The following PRAMEF4 variants were observed in gnomAD, a reference collection of about 807,000 sequenced individuals.
PRAMEF4 encodes the protein RP5-845O24.6.
PRAMEF4 carries 18 observed loss-of-function variants against 34.4 expected under a neutral mutation model. The observed-to-expected ratio is 0.52, with a 90% CI of 0.36 to 0.78. PRAMEF4 has a LOEUF of 0.78. Ranked by LOEUF, PRAMEF4 falls within the 30% of genes least tolerant of loss-of-function variation. The pLI, the probability that PRAMEF4 is intolerant of heterozygous loss-of-function variation, is 0.00. For synonymous variants in PRAMEF4, 156 were observed against 219.3 expected, an observed-to-expected ratio of 0.71 and a Z score of 2.55; for missense variants, 482 against 569.1, an observed-to-expected ratio of 0.85 and a Z score of 1.56.
chr1:12,882,295 C>G lies in PRAMEF4; in HGVS notation c.434G>C (p.Gly145Ala). ...TACGAACACAGTCAAGGGCTGCCGT[C>G]CTTTCATCCTTGGACAGTCCTCCAC... ...KPVEDCPRMK[G>A]RQPLTVFVEL... Residue 145 changes from glycine (G) to alanine (A), a missense_variant, in exon 3 of 4, where the codon GGA (glycine) becomes GCA (alanine). Physicochemically the swap from Gly to Ala is moderately conservative, Grantham distance 60 (BLOSUM62 0). Coordinates refer to ENST00000235349, the MANE Select transcript of PRAMEF4 (RefSeq NM_001009611.4). The G allele has an allele frequency of 6.7e-7, 1 of 1,486,274 alleles. No individual in the cohort carries two copies. The highest frequency in any genetic ancestry group is 9.2e-7 in the Non-Finnish European group (1 of 1,092,780). The allele number at this position is 1,486,274 out of a possible 1,614,324, so 92.1% of individuals were successfully genotyped here. A position where few individuals can be genotyped will look rare whatever the true frequency, so the allele number is the denominator to read the frequency against.
At chr1:12,881,300 A>T (rs1350877207) in intron 3 of PRAMEF4, among the ~76,000 whole-genome samples, 1 of 148,726 alleles carries the variant, frequency 6.7e-6, no homozygotes, top group Admixed American at 6.9e-5. Flanking sequence ...TGGGAGGCAG[A>T]AGTTGCTGCG....
chr1:12,884,393 C>T (rs1190043864), intron 1 of PRAMEF4, among the ~76,000 whole-genome samples: 2 of 149,558 alleles, frequency 1.3e-5, no homozygotes, highest in Non-Finnish European at 3.0e-5. Flanking sequence ...TAGATGTTTC[C>T]AATGCACACT....
chr1:12,884,513 A>G (rs1640957486), intron 1 of PRAMEF4, among the ~76,000 whole-genome samples: 2 of 148,156 alleles, frequency 1.3e-5, no homozygotes, highest in African/African-American at 5.0e-5. Context: ...TCAGGAATTC[A>G]AGACGAGCCT....
Position 12,885,325 on chromosome 1 carries a change from G to A in PRAMEF4, c.-17+822C>T, listed in dbSNP as rs61394051. ...ATTTGGGTGGAAGAGGATGTGATTG[G>A]TTTAAAATTAAGGTCAAAGATCCTT... On this transcript the variant is annotated intron_variant, in intron 1 of 3. Transcript: ENST00000235349. Among the ~76,000 whole-genome samples, 93 of 148,202 alleles carry A rather than the reference G, an allele frequency of 6.3e-4. 2 individuals carry two copies. The South Asian group carries it at 0.015, about 23-fold the overall frequency.
chr1:12,881,091 C>T (rs564712874), intron 3 of PRAMEF4, among the ~76,000 whole-genome samples: 7 of 148,234 alleles, frequency 4.7e-5, no homozygotes, highest in East Asian at 2.0e-4. Context: ...GTTGGCTGGG[C>T]GTGGTAGCTC....
At chr1:12,885,257 A>G (rs5005749) in intron 1 of PRAMEF4, among the ~76,000 whole-genome samples, 1,510 of 142,852 alleles carry the variant, frequency 0.011, 140 homozygotes, top group African/African-American at 0.036. Flanking sequence ...AGCCTTCCAC[A>G]TAGCTGGGAC....
At position 12,879,833 on chromosome 1, in the gene PRAMEF4, T is replaced by C. The variant is rs1240837836; in HGVS notation, c.1148A>G (p.Asn383Ser). Residue 383 changes from asparagine (N) to serine (S), a missense_variant, in exon 4 of 4, where the codon AAC (asparagine) becomes AGC (serine). Physicochemically the swap from Asn to Ser is conservative, Grantham distance 46. Transcript: ENST00000235349. Reference protein sequence around the residue: ...LPALSRCFELNTFSFCGNPIC... With the variant: ...LPALSRCFELSTFSFCGNPIC... ...GGGATTTCCACAGAAGCTGAAGGTGTTGAGCTCAAAGCAGCGGCTCAGGGC... is the reference window on the plus strand; with the variant it reads ...GGGATTTCCACAGAAGCTGAAGGTGCTGAGCTCAAAGCAGCGGCTCAGGGC... 7 of 1,599,612 alleles carry C rather than the reference T, an allele frequency of 4.4e-6. No individual in the cohort carries two copies. In the East Asian group the frequency reaches 1.6e-4, roughly 36 times the overall value.
chr1:12,881,296 G>A (rs1304902399), intron 3 of PRAMEF4, among the ~76,000 whole-genome samples: 1 of 148,646 alleles, frequency 6.7e-6, no homozygotes, highest in Non-Finnish European at 1.5e-5. Flanking sequence ...AACCTGGGAG[G>A]CAGAAGTTGC....
rs370704434 is a variant in PRAMEF4, at chr1:12,882,553, T to C, written c.294-118A>G. On this transcript the variant is annotated intron_variant, in intron 2 of 3. Coordinates refer to ENST00000235349, the MANE Select transcript of PRAMEF4 (RefSeq NM_001009611.4). ...TCTTGTCCCTCTCTCTGACTTTTCTTCACTCTGTTTTCCCCTTGGATCCTG... is the reference window on the plus strand; with the variant it reads ...TCTTGTCCCTCTCTCTGACTTTTCTCCACTCTGTTTTCCCCTTGGATCCTG... The C allele has an allele frequency of 2.3e-4, 309 of 1,362,550 alleles. 6 individuals carry two copies. The highest frequency in any genetic ancestry group is 6.3e-4 in the Admixed American group (30 of 47,472). 84.4% of individuals were successfully genotyped at this position (1,362,550 alleles called of 1,614,324 possible).
At position 12,884,782 on chromosome 1, in the gene PRAMEF4, G is replaced by C. The variant is rs531764746; in HGVS notation, c.-17+1365C>G. Among the ~76,000 whole-genome samples, 627 of 149,334 alleles carry C rather than the reference G, an allele frequency of 4.2e-3. 14 individuals carry two copies. The highest frequency in any genetic ancestry group is 0.015 in the African/African-American group (604 of 40,306). On this transcript the variant is annotated intron_variant, in intron 1 of 3. Coordinates refer to ENST00000235349, the MANE Select transcript of PRAMEF4 (RefSeq NM_001009611.4). Reference sequence around the variant, plus strand: ...CCAGTTAATCCTTATTGGATTTTTGGCTTTCTTAAAGATTAACTGATCGAA... The same window carrying C: ...CCAGTTAATCCTTATTGGATTTTTGCCTTTCTTAAAGATTAACTGATCGAA...
chr1:12,880,491 G>A (rs574271211), intron 3 of PRAMEF4, among the ~76,000 whole-genome samples: 13 of 150,146 alleles, frequency 8.7e-5, no homozygotes, highest in Admixed American at 2.7e-4. Flanking sequence ...CAGAAGAATC[G>A]CTTGAACCCA....
At chr1:12,885,512 G>A (rs1396071941) in intron 1 of PRAMEF4, among the ~76,000 whole-genome samples, 3 of 148,916 alleles carry the variant, frequency 2.0e-5, no homozygotes, top group African/African-American at 5.0e-5. Flanking sequence ...GATGCATGGT[G>A]ACTCACAGCT....
chr1:12,885,761 G>A (rs1178509435), intron 1 of PRAMEF4, among the ~76,000 whole-genome samples: 1 of 146,950 alleles, frequency 6.8e-6, no homozygotes, highest in African/African-American at 2.6e-5. Context: ...CTCCAGTCTG[G>A]GCAACACAGT....
intron 3 of PRAMEF4, among the ~76,000 whole-genome samples, chr1:12,880,969 A>G (rs763264330): frequency 6.8e-6 from 1 of 147,620 alleles, no homozygotes; most frequent in Admixed American, 7.0e-5. Context: ...CATGTTCACC[A>G]AACTGTGGGG....
chr1:12,885,650 A>T (rs1383091895), intron 1 of PRAMEF4, among the ~76,000 whole-genome samples: 2 of 145,818 alleles, frequency 1.4e-5, no homozygotes, highest in Non-Finnish European at 1.5e-5. Flanking sequence ...GCATGGTTTC[A>T]GATGTCTGTG....
intron 3 of PRAMEF4, among the ~76,000 whole-genome samples, chr1:12,880,922 G>T (rs200888340): frequency 7.0e-6 from 1 of 143,762 alleles, no homozygotes; most frequent in East Asian, 2.2e-4. Context: ...GAGCTCAAAA[G>T]AAACTTTTAC....
intron 3 of PRAMEF4, among the ~76,000 whole-genome samples, chr1:12,881,001 A>T (rs3895132): frequency 0.25 from 35,146 of 142,214 alleles, 6,255 homozygotes; most frequent in African/African-American, 0.32. Context: ...TTTTCTGACA[A>T]GTGCAGGTTT....
Position 12,882,736 on chromosome 1 carries a change from G to A in PRAMEF4, c.294-301C>T, listed in dbSNP as rs374367640. Reference sequence around the variant, plus strand: ...CTCACAAGTAGCTGGGATTACAGGAGCCCACCACCATGCCCAGCTAATTTT... The same window carrying A: ...CTCACAAGTAGCTGGGATTACAGGAACCCACCACCATGCCCAGCTAATTTT... On this transcript the variant is annotated intron_variant, in intron 2 of 3. Transcript: ENST00000235349. Among the ~76,000 whole-genome samples, 810 of 144,862 alleles carry A rather than the reference G, an allele frequency of 5.6e-3. 20 individuals carry two copies. Among genetic ancestry groups the A allele is most frequent in the African/African-American group, 0.018 (699 of 38,088 alleles).
chr1:12,880,323 C>T (rs1640863945), intron 3 of PRAMEF4, among the ~76,000 whole-genome samples: 1 of 150,774 alleles, frequency 6.6e-6, no homozygotes, highest in Admixed American at 6.8e-5. Context: ...CACCTGTAAT[C>T]CCAGCACTTT....
Sources: allele counts gnomAD v4.1 joint callset (sites outside exome capture counted in the v4.1 genomes callset), GRCh38; gene constraint gnomAD v4.1.1; transcripts MANE v1.5; gene names NCBI Gene and HGNC (gene_info 2026-07-23, HGNC 2026-07-21).